ITGAL: variants seen among roughly 807,000 people sequenced by gnomAD.
ITGAL encodes integrin subunit alpha L, also known as integrin alpha-L.
In ITGAL, 68 loss-of-function variants were observed where a neutral mutation model predicts 138.4. The ratio of observed to expected loss-of-function variants is 0.49; its 90% CI spans 0.40 to 0.60. The LOEUF (loss-of-function observed/expected upper bound fraction) is 0.60, where lower values mean the gene tolerates loss of function less well. ITGAL is among the 20% of genes least tolerant of loss of function. The pLI, the probability that ITGAL is intolerant of heterozygous loss-of-function variation, is 0.00. For missense variants in ITGAL, 1,256 were observed against 1,478.6 expected (o/e 0.85, Z 2.47); for synonymous variants, 561 against 584.3 (o/e 0.96, Z 0.57).
At chr16:30,498,106 G>A (rs945073029) in intron 15 of ITGAL, among the ~76,000 whole-genome samples, 1 of 151,382 alleles carries the variant, frequency 6.6e-6, no homozygotes, top group Non-Finnish European at 1.5e-5. Flanking sequence ...AGGCACGGGG[G>A]GCTTAGTCAG....
At chr16:30,503,941 A>C (rs994059896) in intron 17 of ITGAL, 8 of 392,156 alleles carry the variant, frequency 2.0e-5, no homozygotes, top group Non-Finnish European at 3.3e-5. Flanking sequence ...GCTGGGATTG[A>C]TTAGTGATGT....
Position 30,475,384 on chromosome 16 carries a change from G to A in ITGAL, c.243G>A (p.Leu81=). The A allele has an allele frequency of 6.2e-7, 1 of 1,613,726 alleles. No individual in the cohort carries two copies. Among genetic ancestry groups the A allele is most frequent in the Non-Finnish European group, 8.5e-7 (1 of 1,179,652 alleles). ...GCCAGTCGGGCACAGGACACTGCCTGCCAGTCACCCTGAGAGGTGAGTAAC... is the reference window on the plus strand; with the variant it reads ...GCCAGTCGGGCACAGGACACTGCCTACCAGTCACCCTGAGAGGTGAGTAAC... ...YQCQSGTGHC[L]PVTLRGSNYT... The change falls in exon 3 of 31, where the codon CTG becomes CTA. Residue 81 remains leucine, a synonymous_variant. Transcript: ENST00000356798.
chr16:30,474,860 C>CTTT (rs58194640), intron 2 of ITGAL, among the ~76,000 whole-genome samples: 4 of 114,422 alleles, frequency 3.5e-5, no homozygotes, highest in Admixed American at 9.7e-5. Context: ...TTTTTTTTTT[C>CTTT]TTTTTTTTTT....
chr16:30,474,676 G>A (rs1335163364), intron 2 of ITGAL: 5 of 189,200 alleles, frequency 2.6e-5, no homozygotes, highest in African/African-American at 1.2e-4. Context: ...GCCATGAATG[G>A]CTTTTGAATC....
chr16:30,496,619 T>C, intron 15 of ITGAL, 53 bp downstream of exon 15: 4 of 1,466,542 alleles, frequency 2.7e-6, no homozygotes, highest in Non-Finnish European at 3.6e-6. Flanking sequence ...TATCCTGTTT[T>C]GTTTATATTT....
intron 17 of ITGAL, among the ~76,000 whole-genome samples, chr16:30,499,733 A>ATGTGTATATATATATATATATATATTTTT: frequency 2.3e-5 from 2 of 88,362 alleles, no homozygotes; most frequent in Non-Finnish European, 3.8e-5. Flanking sequence ...ATATATATAT[A>ATGTGTATATATATATATATATATATTTTT]TTTTTTTTTT....
intron 28 of ITGAL, 33 bp from the exon 29 acceptor site, chr16:30,518,591 C>G: frequency 6.7e-7 from 1 of 1,489,784 alleles, no homozygotes; most frequent in Non-Finnish European, 9.4e-7. Context: ...TCCTCGTTCT[C>G]CCGGGTTCTG....
rs535385287 is a variant in ITGAL at position 30,510,053 on chromosome 16, A to T, written c.2509-308A>T. On this transcript the variant is annotated intron_variant, in intron 21 of 30. Coordinates refer to ENST00000356798, the MANE Select transcript of ITGAL (RefSeq NM_002209.3). ...GATCCTATATTTAAAAAAAAAAAAA[A>T]TTTTTTTTAATAGAGATGGGGTCTC... is the stretch of plus-strand genomic sequence containing the variant. 1.4e-3 allele frequency among the ~76,000 whole-genome samples: 217 copies of T among 150,162 alleles called. 2 individuals are homozygous for T. The East Asian group carries it at 0.021, about 15-fold the overall frequency.
In ITGAL at chr16:30,522,951, A is replaced by AAAAAAT. The variant is rs557592636; in HGVS notation, c.*1298_*1303dup. 2.6e-5 allele frequency: 4 copies of AAAAAAT among 152,356 alleles called. No homozygotes were observed. The highest frequency in any genetic ancestry group is 9.6e-5 in the African/African-American group (4 of 41,464). The allele number at this position is 152,356 out of a possible 1,614,324, so 9.4% of individuals were successfully genotyped here. A position where few individuals can be genotyped will look rare whatever the true frequency, so the allele number is the denominator to read the frequency against. On this transcript the variant is annotated 3_prime_UTR_variant, in exon 31 of 31. Coordinates refer to ENST00000356798, the MANE Select transcript of ITGAL (RefSeq NM_002209.3). This position sits in a 1 kb window ranked among gnomAD's most constrained non-coding sequence, Gnocchi z 4.0. The stretch of plus-strand genomic sequence containing the variant: ...AACACAGCGAGACTCCGTCTCAAGG[A>AAAAAAT]AAAAATAAAAATAAAAAGCGGGCAC...
At position 30,499,733 on chromosome 16, in the gene ITGAL, A is replaced by ATACGTATATATATATATATATATTTTTTT; in HGVS notation, c.2145+245_2145+246insACGTATATATATATATATATATTTTTTTT. Among the ~76,000 whole-genome samples, 227 of 88,284 alleles carry ATACGTATATATATATATATATATTTTTTT rather than the reference A, an allele frequency of 2.6e-3. 1 individual carries two copies. The highest frequency in any genetic ancestry group is 0.013 in the African/African-American group (216 of 16,672). 57.9% of individuals were successfully genotyped at this position (88,284 alleles called of 152,430 possible). On this transcript the variant is annotated intron_variant, in intron 17 of 30. Transcript: ENST00000356798. ...TATATGTATATATATATATATATAT[A>ATACGTATATATATATATATATATTTTTTT]TTTTTTTTTTTTTGACACAGAGTCT... is the stretch of plus-strand genomic sequence containing the variant.
chr16:30,491,807 T>G (rs1336610541), intron 11 of ITGAL, among the ~76,000 whole-genome samples: 1 of 152,110 alleles, frequency 6.6e-6, no homozygotes, highest in Non-Finnish European at 1.5e-5. Flanking sequence ...CTTCCCTTTT[T>G]GTAGATGAGA....
At chr16:30,481,344 CTAAA>C in intron 6 of ITGAL, 91 bp from the exon 7 acceptor site, 1 of 724,838 alleles carries the variant, frequency 1.4e-6, no homozygotes, top group African/African-American at 3.5e-5. Flanking sequence ...GAAACTCCAT[CTAAA>C]AAAAAAAAAA....
At chr16:30,477,822 G>A (rs2050492599) in intron 4 of ITGAL, among the ~76,000 whole-genome samples, 1 of 151,800 alleles carries the variant, frequency 6.6e-6, no homozygotes, top group Non-Finnish European at 1.5e-5. Context: ...GGAAGTTGAG[G>A]CTGCAGTGAG....
chr16:30,483,119 T>A (rs993438554), intron 7 of ITGAL: 6 of 152,182 alleles, frequency 3.9e-5, no homozygotes, highest in Admixed American at 2.0e-4. Context: ...TTTATTTTTT[T>A]AATTTTTTTG....
At chr16:30,491,400 C>CA (rs911915731) in intron 11 of ITGAL, among the ~76,000 whole-genome samples, 4 of 146,386 alleles carry the variant, frequency 2.7e-5, no homozygotes, top group Admixed American at 2.1e-4. Context: ...AACTCTGTCT[C>CA]AAAAAAAAAG....
At chr16:30,495,902 A>G (rs2050791927) in intron 13 of ITGAL, among the ~76,000 whole-genome samples, 195 bp from the exon 14 acceptor site, 1 of 152,136 alleles carries the variant, frequency 6.6e-6, no homozygotes, top group Non-Finnish European at 1.5e-5. Flanking sequence ...CCCCAAGCTC[A>G]GTAGGGGAAA....
chr16:30,508,040 C>T (rs948900388), intron 21 of ITGAL, among the ~76,000 whole-genome samples: 20 of 151,286 alleles, frequency 1.3e-4, no homozygotes, highest in African/African-American at 3.9e-4. Flanking sequence ...TCCCGAGTAG[C>T]CGGGACTACA....
In ITGAL at chr16:30,499,440, T is replaced by C. The variant is rs1225267022; in HGVS notation, c.2096T>C (p.Ile699Thr). 2 of 1,613,944 alleles carry C rather than the reference T, an allele frequency of 1.2e-6. No homozygotes were observed. The highest frequency in any genetic ancestry group is 1.7e-6 in the Non-Finnish European group (2 of 1,180,002). Reference sequence around the variant, plus strand: ...GGGAGACATGAACTCAGAAGGAATATAGCTGTCACCACCAGCATGTCATGC... The same window carrying C: ...GGGAGACATGAACTCAGAAGGAATACAGCTGTCACCACCAGCATGTCATGC... ...PGGRHELRRN[I>T]AVTTSMSCTD... The change falls in exon 17 of 31, where the codon ATA becomes ACA. Residue 699 changes from isoleucine to threonine, a missense_variant. By Grantham distance (89) the Ile-to-Thr change is moderately conservative (BLOSUM62 -1). Transcript: ENST00000356798.
chr16:30,499,713 G>GTGTA (rs1274863012), intron 17 of ITGAL, among the ~76,000 whole-genome samples: 1 of 103,226 alleles, frequency 9.7e-6, no homozygotes, highest in Non-Finnish European at 1.7e-5. Context: ...ATATATATAT[G>GTGTA]TATATATATA....
Sources: allele counts gnomAD v4.1 joint callset (sites outside exome capture counted in the v4.1 genomes callset), GRCh38; gene constraint gnomAD v4.1.1; non-coding constraint Gnocchi (gnomAD v3.1); transcripts MANE v1.5; gene names NCBI Gene and HGNC (gene_info 2026-07-23, HGNC 2026-07-21).